CEP112: variants seen among roughly 807,000 people sequenced by gnomAD.
CEP112 encodes centrosomal protein 112.
A neutral mutation model predicts 153.0 loss-of-function variants in CEP112; 127 were observed. The ratio of observed to expected loss-of-function variants is 0.83; its 90% CI spans 0.72 to 0.96. CEP112 has a LOEUF of 0.96. Among genes scored for constraint, CEP112 ranks in the 40% least tolerant of loss-of-function variants. The pLI is 0.00. For missense variants in CEP112, 1,089 were observed against 1,101.2 expected, an observed-to-expected ratio of 0.99 and a Z score of 0.16; for synonymous variants, 358 against 374.4, an observed-to-expected ratio of 0.96 and a Z score of 0.51.
At chr17:65,893,726 A>G (rs2059560262) in intron 20 of CEP112, among the ~76,000 whole-genome samples, 1 of 152,140 alleles carries the variant, frequency 6.6e-6, no homozygotes, top group Non-Finnish European at 1.5e-5. Context: ...ATTTTCATAC[A>G]GTGCTGTGTT....
chr17:65,677,667 C>T, intron 24 of CEP112, among the ~76,000 whole-genome samples: 1 of 152,146 alleles, frequency 6.6e-6, no homozygotes, highest in East Asian at 1.9e-4. Flanking sequence ...AATCCCAGCA[C>T]TTTGGGAGGC....
chr17:66,164,036 T>C (rs2071825997), intron 4 of CEP112, among the ~76,000 whole-genome samples: 1 of 152,236 alleles, frequency 6.6e-6, no homozygotes, highest in South Asian at 2.1e-4. Flanking sequence ...CAGTTACAAA[T>C]AGTTGCCACT....
At chr17:66,062,747 A>C (rs983901061) in intron 11 of CEP112, among the ~76,000 whole-genome samples, 1 of 152,198 alleles carries the variant, frequency 6.6e-6, no homozygotes, top group South Asian at 2.1e-4. Flanking sequence ...AGCTAGTCAA[A>C]AGAATATTTT....
chr17:66,013,367 T>C (rs1414507178), intron 16 of CEP112, among the ~76,000 whole-genome samples: 4 of 152,200 alleles, frequency 2.6e-5, no homozygotes, highest in Admixed American at 2.6e-4. Context: ...CCTTTGAAGT[T>C]GCTGTCCTTT....
chr17:65,931,678 T>C (rs557480774), intron 18 of CEP112, among the ~76,000 whole-genome samples: 4 of 152,338 alleles, frequency 2.6e-5, no homozygotes, highest in African/African-American at 9.6e-5. Flanking sequence ...AGTTGACAGA[T>C]CTGCCAAGCT....
intron 20 of CEP112, among the ~76,000 whole-genome samples, chr17:65,874,431 T>C (rs996696680): frequency 2.0e-5 from 3 of 152,136 alleles, no homozygotes; most frequent in Non-Finnish European, 4.4e-5. Context: ...TTATCAACAA[T>C]TGCCAGCTGG....
intron 24 of CEP112, among the ~76,000 whole-genome samples, chr17:65,645,850 G>A (rs1022657506): frequency 3.9e-5 from 6 of 152,084 alleles, no homozygotes; most frequent in Non-Finnish European, 7.4e-5. Context: ...CCTCCTTTTT[G>A]AATGGAACCA....
chr17:66,153,216 C>T (rs890731453), intron 4 of CEP112, among the ~76,000 whole-genome samples: 15 of 151,796 alleles, frequency 9.9e-5, no homozygotes, highest in South Asian at 8.3e-4. Flanking sequence ...AACATATGTC[C>T]GAATAAAAAT....
intron 18 of CEP112, among the ~76,000 whole-genome samples, chr17:65,952,670 C>T (rs1333240646): frequency 6.6e-6 from 1 of 152,102 alleles, no homozygotes; most frequent in Non-Finnish European, 1.5e-5. Context: ...GTGTATTTAA[C>T]ATTTTAAGAA....
In CEP112 at chr17:65,818,293, T is replaced by G. The variant is rs181323234; in HGVS notation, c.2394+33511A>C. Among the ~76,000 whole-genome samples, 543 of 151,762 alleles carry G rather than the reference T, an allele frequency of 3.6e-3. 14 individuals carry two copies. The highest frequency in any genetic ancestry group is 0.032 in the Admixed American group (485 of 15,202). On this transcript the variant is annotated intron_variant, in intron 21 of 26. Transcript: ENST00000535342. ...CTTTACCTAACTACCATGAAAAGAG[T>G]TTTTAAAAACTTTTTGTTAAAATAA...
intron 21 of CEP112, among the ~76,000 whole-genome samples, chr17:65,816,798 T>C (rs369608524): frequency 1.5e-4 from 23 of 152,150 alleles, no homozygotes; most frequent in East Asian, 1.4e-3. Context: ...TAATGATAAG[T>C]TCATAAGGTG....
At position 65,759,034 on chromosome 17, in the gene CEP112, G is replaced by A. The variant is rs572563187; in HGVS notation, c.2395-8310C>T. ...CATACAGACCTTGCTGATAAAACAA[G>A]TTGCAGTAAAGAAGCCAGCCAAAAC... On this transcript the variant is annotated intron_variant, in intron 21 of 26. Transcript: ENST00000535342. Among the ~76,000 whole-genome samples the A allele has an allele frequency of 7.9e-5, 12 of 152,128 alleles. 1 individual carries two copies. Among genetic ancestry groups the A allele is most frequent in the Non-Finnish European group, 1.6e-4 (11 of 68,016 alleles).
At chr17:66,103,639 A>G (rs1205356263) in intron 6 of CEP112, among the ~76,000 whole-genome samples, 1 of 142,580 alleles carries the variant, frequency 7.0e-6, no homozygotes, top group East Asian at 1.9e-4. Flanking sequence ...ACAACTATTC[A>G]CATAAAAAAG....
rs148892361 is a variant in CEP112, at chr17:66,054,884, G to A, written c.1075-1005C>T. 2.5e-3 allele frequency among the ~76,000 whole-genome samples: 386 copies of A among 152,212 alleles called. 2 individuals are homozygous for A. Among genetic ancestry groups the A allele is most frequent in the African/African-American group, 8.1e-3 (337 of 41,532 alleles). The stretch of plus-strand genomic sequence containing the variant: ...TGATTCTCCTGCCTCAGCCTCCCAA[G>A]TAGCTGGGATCAAAGGCAGCCGCCA... On this transcript the variant is annotated intron_variant, in intron 11 of 26. Transcript: ENST00000535342.
chr17:65,961,050 C>G (rs1468610593), intron 18 of CEP112, among the ~76,000 whole-genome samples: 1 of 150,186 alleles, frequency 6.7e-6, no homozygotes, highest in Non-Finnish European at 1.5e-5. Flanking sequence ...GAATTGGAGA[C>G]AGCCTTTGTT....
At position 66,088,498 on chromosome 17, in the gene CEP112, G is replaced by A. The variant is rs1038324787; in HGVS notation, c.768+7753C>T. 1.6e-4 allele frequency among the ~76,000 whole-genome samples: 24 copies of A among 151,600 alleles called. No individual in the cohort carries two copies. In the South Asian group the frequency reaches 5.0e-3, roughly 32 times the overall value. On this transcript the variant is annotated intron_variant, in intron 8 of 26. Transcript: ENST00000535342. ...CTCCATGCTGGCCCATGTGAATATAGGCTCCAGACATACCCAATGTCAGGC... is the reference window on the plus strand; with the variant it reads ...CTCCATGCTGGCCCATGTGAATATAAGCTCCAGACATACCCAATGTCAGGC...
chr17:66,084,763 A>G (rs1054128414), intron 8 of CEP112, among the ~76,000 whole-genome samples: 2 of 152,090 alleles, frequency 1.3e-5, no homozygotes, highest in Admixed American at 6.6e-5. Context: ...CAATAAGGTG[A>G]CTACAGTCAA....
At chr17:65,910,817 CA>C (rs924974429) in intron 19 of CEP112, among the ~76,000 whole-genome samples, 1 of 151,712 alleles carries the variant, frequency 6.6e-6, no homozygotes, top group African/African-American at 2.4e-5. Context: ...ATGTGTATAT[CA>C]AAAAGACACA....
At chr17:65,914,008 A>C (rs185011182) in intron 19 of CEP112, 1 of 340,958 alleles carries the variant, frequency 2.9e-6, no homozygotes, top group East Asian at 1.7e-4. Flanking sequence ...CTCAGGAAGA[A>C]GCCAGATAGT....
Sources: allele counts gnomAD v4.1 joint callset (sites outside exome capture counted in the v4.1 genomes callset), GRCh38; gene constraint gnomAD v4.1.1; transcripts MANE v1.5; gene names NCBI Gene and HGNC (gene_info 2026-07-23, HGNC 2026-07-21).